CSMD1: variants seen among roughly 807,000 people sequenced by gnomAD.
CSMD1 encodes the protein CUB and sushi domain-containing protein 1.
Under a neutral mutation model 417.5 loss-of-function variants are expected in CSMD1, and 213 were observed. The ratio of observed to expected loss-of-function variants is 0.51; its 90% CI spans 0.46 to 0.57. The LOEUF (loss-of-function observed/expected upper bound fraction) is 0.57, where lower values mean the gene tolerates loss of function less well. CSMD1 is among the 20% of genes least tolerant of loss of function. The pLI, the probability that CSMD1 is intolerant of heterozygous loss-of-function variation, is 0.00. For missense variants in CSMD1, 6,923 were observed against 4,529.7 expected (o/e 1.53, Z -15.17); for synonymous variants, 2,862 against 1,736.8 (o/e 1.65, Z -16.11).
chr8:3,760,269 C>A (rs909548905), intron 5 of CSMD1, among the ~76,000 whole-genome samples: 1 of 152,144 alleles, frequency 6.6e-6, no homozygotes, highest in Non-Finnish European at 1.5e-5. Flanking sequence ...GTTGTTCCCA[C>A]TTTTTTCCCC....
chr8:4,110,739 T>C (rs1409351316), intron 3 of CSMD1, among the ~76,000 whole-genome samples: 1 of 152,036 alleles, frequency 6.6e-6, no homozygotes, highest in Non-Finnish European at 1.5e-5. Flanking sequence ...CTCTCAACCA[T>C]CCAGAGGTTC....
chr8:3,574,157 G>A (rs140699455), intron 10 of CSMD1, among the ~76,000 whole-genome samples: 64 of 152,286 alleles, frequency 4.2e-4, no homozygotes, highest in African/African-American at 1.1e-3. Flanking sequence ...AGGAAAACAC[G>A]CTCAGATGTT....
intron 5 of CSMD1, among the ~76,000 whole-genome samples, chr8:3,875,611 G>C (rs1805763366): frequency 6.6e-6 from 1 of 152,144 alleles, no homozygotes; most frequent in Non-Finnish European, 1.5e-5. Flanking sequence ...GGAGGAAGAG[G>C]AGGAGGACCA....
chr8:3,443,269 G>A (rs56975347), intron 12 of CSMD1, among the ~76,000 whole-genome samples: 6,437 of 152,226 alleles, frequency 0.042, 360 homozygotes, highest in East Asian at 0.2. Context: ...TGGGTTGGAA[G>A]ACTGATTGAA....
intron 10 of CSMD1, among the ~76,000 whole-genome samples, chr8:3,499,728 G>A (rs1339064672): frequency 2.0e-5 from 3 of 152,022 alleles, no homozygotes; most frequent in Non-Finnish European, 4.4e-5. Flanking sequence ...GTTCAGGTTT[G>A]TGTCACTGAG....
chr8:4,308,814 G>C (rs1798398691), intron 3 of CSMD1, among the ~76,000 whole-genome samples: 1 of 152,090 alleles, frequency 6.6e-6, no homozygotes, highest in Admixed American at 6.6e-5. Context: ...TTATGCTATT[G>C]TTTCCTTCAT....
intron 3 of CSMD1, among the ~76,000 whole-genome samples, chr8:4,038,829 C>A (rs1585183584): frequency 6.6e-6 from 1 of 152,270 alleles, no homozygotes; most frequent in African/African-American, 2.4e-5. Context: ...CACTGGACCC[C>A]ATGAAGCCAA....
chr8:3,303,122 T>G (rs1024687887), intron 25 of CSMD1, among the ~76,000 whole-genome samples: 1 of 152,236 alleles, frequency 6.6e-6, no homozygotes, highest in South Asian at 2.1e-4. Context: ...TCTATAGTGA[T>G]GTTGATAGGA....
intron 3 of CSMD1, among the ~76,000 whole-genome samples, chr8:4,136,056 C>G (rs1316079564): frequency 6.6e-6 from 1 of 152,004 alleles, no homozygotes; most frequent in Non-Finnish European, 1.5e-5. Flanking sequence ...TTAAATGGCA[C>G]TTGGCAAGAG....
intron 3 of CSMD1, among the ~76,000 whole-genome samples, chr8:4,142,809 A>G (rs980180787): frequency 9.9e-5 from 15 of 151,118 alleles, no homozygotes; most frequent in Non-Finnish European, 1.9e-4. Context: ...TTTATTTTTA[A>G]AAGCCTAACA....
intron 5 of CSMD1, among the ~76,000 whole-genome samples, chr8:3,871,826 G>A (rs1181957100): frequency 6.6e-6 from 1 of 152,174 alleles, no homozygotes; most frequent in Non-Finnish European, 1.5e-5. Flanking sequence ...GCTTGTGAAG[G>A]CTATTACACA....
At chr8:3,317,977 A>G (rs1349033472) in intron 23 of CSMD1, among the ~76,000 whole-genome samples, 1 of 152,072 alleles carries the variant, frequency 6.6e-6, no homozygotes, top group Non-Finnish European at 1.5e-5. Context: ...TGCCCAGCTA[A>G]TATTTGTATC....
At chr8:4,648,247 A>C (rs2130887048) in intron 1 of CSMD1, among the ~76,000 whole-genome samples, 1 of 152,210 alleles carries the variant, frequency 6.6e-6, no homozygotes. Flanking sequence ...TCCTTTGCCC[A>C]CTTTTTGATG....
At chr8:4,090,367 A>T (rs55672538) in intron 3 of CSMD1, among the ~76,000 whole-genome samples, 21,614 of 152,246 alleles carry the variant, frequency 0.14, 1,823 homozygotes, top group South Asian at 0.38. Context: ...AAAATAAATT[A>T]CAAAGTGTCA....
chr8:4,916,980 G>T (rs56337647), intron 1 of CSMD1, among the ~76,000 whole-genome samples: 1 of 152,322 alleles, frequency 6.6e-6, no homozygotes, highest in East Asian at 1.9e-4. Context: ...GGTTCAGTAG[G>T]TGTATTAGCT....
intron 5 of CSMD1, among the ~76,000 whole-genome samples, chr8:3,985,595 C>A (rs140769891): frequency 6.6e-6 from 1 of 152,076 alleles, no homozygotes; most frequent in Non-Finnish European, 1.5e-5. Context: ...TTTGAAGGGG[C>A]GCCACCTTCT....
chr8:4,200,456 T>C (rs1332720977), intron 3 of CSMD1, among the ~76,000 whole-genome samples: 2 of 152,172 alleles, frequency 1.3e-5, no homozygotes, highest in Non-Finnish European at 2.9e-5. Flanking sequence ...AACACTCTTA[T>C]GGTTTAAGTG....
chr8:4,562,808 G>T (rs76866002), intron 2 of CSMD1, among the ~76,000 whole-genome samples: 5,852 of 152,072 alleles, frequency 0.038, 147 homozygotes, highest in Non-Finnish European at 0.058. Context: ...AATAAATACA[G>T]CAGATCATTT....
chr8:3,603,257 T>A (rs1291263443), intron 8 of CSMD1, among the ~76,000 whole-genome samples: 2 of 152,214 alleles, frequency 1.3e-5, no homozygotes, highest in East Asian at 3.8e-4. Context: ...CTAGTAACCA[T>A]GAATCCTCCT....
Sources: gnomAD v4.1 joint callset for allele counts (sites outside exome capture counted in the v4.1 genomes callset) on GRCh38, gnomAD v4.1.1 for gene constraint, MANE v1.5 for transcripts, NCBI Gene and HGNC (gene_info 2026-07-23, HGNC 2026-07-21) for gene names.